Variants in SLC39A11 observed in about 807,000 individuals in gnomAD.
The protein encoded by SLC39A11 is solute carrier family 39 member 11.
SLC39A11 carries 33 observed loss-of-function variants against 36.1 expected under a neutral mutation model. That is an observed-to-expected ratio of 0.91 (90% confidence interval 0.69 to 1.22). The LOEUF (loss-of-function observed/expected upper bound fraction) is 1.22. Ranked by LOEUF, SLC39A11 falls within the 50% of genes most tolerant of loss-of-function variation. The probability of loss-of-function intolerance (pLI) is 0.00; values close to 1 mark genes in which losing one functional copy is unlikely to be tolerated. For synonymous variants in SLC39A11, 166 were observed against 170.3 expected (o/e 0.97, Z 0.20); for missense variants, 432 against 430.3 (o/e 1.00, Z -0.03).
chr17:72,873,286 C>T (rs960662207), intron 5 of SLC39A11, among the ~76,000 whole-genome samples: 3 of 152,086 alleles, frequency 2.0e-5, no homozygotes, highest in Non-Finnish European at 4.4e-5. Flanking sequence ...GTGACCTCTA[C>T]CCAGAAATTG....
chr17:72,882,799 T>TTTTC (rs2081263265), intron 5 of SLC39A11, among the ~76,000 whole-genome samples: 1 of 87,448 alleles, frequency 1.1e-5, no homozygotes, highest in Non-Finnish European at 2.3e-5. Context: ...GAATGCTTCT[T>TTTTC]TTTTTTTTTT....
intron 5 of SLC39A11, among the ~76,000 whole-genome samples, chr17:72,910,044 A>G (rs542589669): frequency 5.9e-5 from 9 of 151,718 alleles, no homozygotes; most frequent in South Asian, 2.1e-4. Context: ...GAGCCACCGC[A>G]CCCGGCCTCC....
intron 5 of SLC39A11, among the ~76,000 whole-genome samples, chr17:72,876,172 A>G (rs1450450962): frequency 6.6e-6 from 1 of 152,216 alleles, no homozygotes; most frequent in African/African-American, 2.4e-5. Flanking sequence ...TTTGGGACAT[A>G]ACCATGCTCT....
intron 6 of SLC39A11, among the ~76,000 whole-genome samples, chr17:72,788,731 C>T (rs1232305386): frequency 6.6e-6 from 1 of 152,220 alleles, no homozygotes; most frequent in East Asian, 1.9e-4. Context: ...AGAGGTGATG[C>T]TCTCCCAACT....
At chr17:72,848,985 A>G (rs1382601798) in intron 6 of SLC39A11, among the ~76,000 whole-genome samples, 1 of 152,236 alleles carries the variant, frequency 6.6e-6, no homozygotes, top group Non-Finnish European at 1.5e-5. Context: ...AAGTCTTACC[A>G]ATAACATAGT....
intron 7 of SLC39A11, among the ~76,000 whole-genome samples, chr17:72,680,213 A>T (rs1476100989): frequency 2.0e-5 from 3 of 152,072 alleles, no homozygotes; most frequent in African/African-American, 7.3e-5. Context: ...ATCACCCAAA[A>T]GCAAATGCTA....
intron 7 of SLC39A11, among the ~76,000 whole-genome samples, chr17:72,716,643 A>G (rs1035648663): frequency 2.0e-5 from 3 of 152,096 alleles, no homozygotes; most frequent in Admixed American, 1.3e-4. Flanking sequence ...GGGAACACAC[A>G]TGCAGAGGCA....
At chr17:73,067,756 G>A (rs926229994) in intron 3 of SLC39A11, 54 of 883,948 alleles carry the variant, frequency 6.1e-5, no homozygotes, top group Non-Finnish European at 8.9e-5. Flanking sequence ...GAGTAGACAC[G>A]TACTGAATAG....
intron 7 of SLC39A11, among the ~76,000 whole-genome samples, chr17:72,674,680 T>C (rs1485112632): frequency 6.6e-6 from 1 of 152,236 alleles, no homozygotes; most frequent in Non-Finnish European, 1.5e-5. Flanking sequence ...GAGAGAGCCA[T>C]TTCTCCATAT....
Position 72,696,621 on chromosome 17 carries a change from C to T in SLC39A11, c.671+40029G>A, listed in dbSNP as rs571854794. Reference sequence around the variant, plus strand: ...CTCCTCAGAGAAGCATTCAGGGCCCCCTATCTCTCTGATTTCCATATAAAT... The same window carrying T: ...CTCCTCAGAGAAGCATTCAGGGCCCTCTATCTCTCTGATTTCCATATAAAT... On this transcript the variant is annotated intron_variant, in intron 7 of 9. Transcript: ENST00000255559. Among the ~76,000 whole-genome samples, 28 of 152,272 alleles carry T rather than the reference C, an allele frequency of 1.8e-4. 1 individual carries two copies. In the South Asian group the frequency reaches 5.0e-3, roughly 27 times the overall value.
At chr17:72,899,988 AAGAGAGAGAGAGAGAAAG>A (rs1199171857) in intron 5 of SLC39A11, among the ~76,000 whole-genome samples, 4 of 23,770 alleles carry the variant, frequency 1.7e-4, no homozygotes, top group African/African-American at 1.5e-3. Flanking sequence ...GAGAGAAAGA[AAGAGAGAGAGAGAGAAAG>A]AGAGAGAGAG....
At chr17:72,771,347 C>A (rs140954590) in intron 6 of SLC39A11, among the ~76,000 whole-genome samples, 2,324 of 111,742 alleles carry the variant, frequency 0.021, 50 homozygotes, top group African/African-American at 0.067. Flanking sequence ...CAGAGCGAGA[C>A]CCTATCTAAA....
At chr17:72,729,405 T>TATA (rs2074066107) in intron 7 of SLC39A11, among the ~76,000 whole-genome samples, 4 of 29,222 alleles carry the variant, frequency 1.4e-4, no homozygotes, top group Non-Finnish European at 2.2e-4. Context: ...ACCTGGCTAT[T>TATA]TATATATATA....
At chr17:72,966,569 T>C (rs757148686) in intron 4 of SLC39A11, among the ~76,000 whole-genome samples, 1 of 59,658 alleles carries the variant, frequency 1.7e-5, no homozygotes, top group Non-Finnish European at 4.0e-5. Context: ...TTTTTGTTAT[T>C]GTTGTTGTTC....
At chr17:72,848,032 C>A (rs181161325) in intron 6 of SLC39A11, among the ~76,000 whole-genome samples, 2 of 152,302 alleles carry the variant, frequency 1.3e-5, no homozygotes, top group East Asian at 3.9e-4. Flanking sequence ...ATCTCAAGAT[C>A]GAGGAAATCA....
intron 5 of SLC39A11, among the ~76,000 whole-genome samples, chr17:72,881,095 G>A (rs1291215799): frequency 1.3e-5 from 2 of 151,764 alleles, no homozygotes; most frequent in Non-Finnish European, 2.9e-5. Flanking sequence ...TCGGAAGACA[G>A]TTTGGTAGTT....
At chr17:72,834,856 C>G (rs2078452147) in intron 6 of SLC39A11, among the ~76,000 whole-genome samples, 1 of 152,172 alleles carries the variant, frequency 6.6e-6, no homozygotes, top group South Asian at 2.1e-4. Flanking sequence ...ATTTTAACCC[C>G]AATCCTAGCG....
intron 4 of SLC39A11, among the ~76,000 whole-genome samples, chr17:72,949,881 A>G (rs2085734962): frequency 6.6e-6 from 1 of 151,934 alleles, no homozygotes; most frequent in Non-Finnish European, 1.5e-5. Context: ...TTTAAAAAAT[A>G]CTAAAACAAT....
chr17:72,667,625 G>C (rs1368960588), intron 7 of SLC39A11, among the ~76,000 whole-genome samples: 1 of 152,152 alleles, frequency 6.6e-6, no homozygotes, highest in Non-Finnish European at 1.5e-5. Context: ...TGCTACCAAT[G>C]CTATGAAGAT....
Sources: gnomAD v4.1 joint callset for allele counts (sites outside exome capture counted in the v4.1 genomes callset) on GRCh38, gnomAD v4.1.1 for gene constraint, MANE v1.5 for transcripts, NCBI Gene and HGNC (gene_info 2026-07-23, HGNC 2026-07-21) for gene names.